PSD3: variants seen among roughly 807,000 people sequenced by gnomAD.
PSD3 encodes PH and SEC7 domain-containing protein 3.
Under a neutral mutation model 105.5 loss-of-function variants are expected in PSD3, and 49 were observed. The ratio of observed to expected loss-of-function variants is 0.46; its 90% CI spans 0.37 to 0.59. The LOEUF is 0.59. Among genes scored for constraint, PSD3 ranks in the 20% least tolerant of loss-of-function variants. The pLI is 0.00. For synonymous variants in PSD3, 557 were observed against 457.8 expected, an observed-to-expected ratio of 1.22 and a Z score of -2.77; for missense variants, 1,561 against 1,263.8, an observed-to-expected ratio of 1.24 and a Z score of -3.57.
intron 9 of PSD3, chr8:18,683,639 G>A (rs1389433724): frequency 8.2e-6 from 5 of 608,818 alleles, no homozygotes; most frequent in Non-Finnish European, 1.5e-5. Context: ...GATCGCACCT[G>A]ATTCTCTTAG....
intron 9 of PSD3, among the ~76,000 whole-genome samples, chr8:18,691,621 A>G (rs1479158838): frequency 6.6e-6 from 1 of 152,258 alleles, no homozygotes; most frequent in East Asian, 1.9e-4. Context: ...CATCCAGATG[A>G]GTAAACCAAT....
At position 18,955,866 on chromosome 8, in the gene PSD3, T is replaced by C. The variant is rs553227328; in HGVS notation, c.22-19724A>G. ...TCACTTCAACCTCCGCCTCCCGGGT[T>C]CAAGTGATTCTCCAGCCTCAGCATC... is the stretch of plus-strand genomic sequence containing the variant. On this transcript the variant is annotated intron_variant, in intron 1 of 15. Coordinates refer to ENST00000327040, the MANE Select transcript of PSD3 (RefSeq NM_015310.4). Among the ~76,000 whole-genome samples, 7 of 152,200 alleles carry C rather than the reference T, an allele frequency of 4.6e-5. No homozygotes were observed. In the South Asian group the frequency reaches 1.5e-3, roughly 32 times the overall value.
intron 11 of PSD3, among the ~76,000 whole-genome samples, chr8:18,631,078 G>A (rs1806862990): frequency 6.6e-6 from 1 of 152,060 alleles, no homozygotes; most frequent in Non-Finnish European, 1.5e-5. Flanking sequence ...ATCCATACCT[G>A]ACTGAGGGGA....
At chr8:18,640,107 T>C (rs1301045894) in intron 10 of PSD3, among the ~76,000 whole-genome samples, 2 of 152,192 alleles carry the variant, frequency 1.3e-5, no homozygotes, top group African/African-American at 4.8e-5. Context: ...ACTGTGGTCG[T>C]GAATCCATTC....
At chr8:18,836,591 G>A (rs1372034468) in intron 4 of PSD3, among the ~76,000 whole-genome samples, 1 of 152,190 alleles carries the variant, frequency 6.6e-6, no homozygotes, top group Non-Finnish European at 1.5e-5. Context: ...CCATATCCAT[G>A]AGGGATTAGT....
intron 4 of PSD3, among the ~76,000 whole-genome samples, chr8:18,831,782 T>C (rs996779229): frequency 6.6e-6 from 1 of 152,060 alleles, no homozygotes; most frequent in African/African-American, 2.4e-5. Flanking sequence ...GGTTCCCTCA[T>C]GAAGACATGT....
At chr8:18,767,357 TACG>T (rs1176157117) in intron 8 of PSD3, among the ~76,000 whole-genome samples, 1 of 152,206 alleles carries the variant, frequency 6.6e-6, no homozygotes, top group Non-Finnish European at 1.5e-5. Flanking sequence ...ATACATCTGT[TACG>T]AGTGCAGGAG....
At chr8:18,884,293 T>C (rs1185923185) in intron 2 of PSD3, among the ~76,000 whole-genome samples, 1 of 152,184 alleles carries the variant, frequency 6.6e-6, no homozygotes, top group East Asian at 1.9e-4. Flanking sequence ...TAATAATCAA[T>C]AAACTTCACC....
chr8:18,923,617 G>A (rs887461239), intron 2 of PSD3, among the ~76,000 whole-genome samples: 17 of 152,090 alleles, frequency 1.1e-4, no homozygotes, highest in African/African-American at 4.1e-4. Context: ...GTGTAGGTTC[G>A]TGGCCTAGAA....
intron 11 of PSD3, among the ~76,000 whole-genome samples, chr8:18,623,811 T>C (rs887675986): frequency 3.3e-5 from 5 of 152,186 alleles, no homozygotes; most frequent in African/African-American, 1.2e-4. Flanking sequence ...TTTCCAGAAG[T>C]AACAACCATT....
chr8:18,773,253 C>T (rs1331376305), intron 8 of PSD3, among the ~76,000 whole-genome samples: 1 of 152,106 alleles, frequency 6.6e-6, no homozygotes, highest in Non-Finnish European at 1.5e-5. Context: ...ATTCACACTA[C>T]CATTTTTTAA....
intron 1 of PSD3, among the ~76,000 whole-genome samples, chr8:19,012,082 TG>T (rs2129475405): frequency 6.6e-6 from 1 of 152,316 alleles, no homozygotes; most frequent in East Asian, 1.9e-4. Context: ...CCCAAGACGG[TG>T]GCAAAAACTC....
chr8:18,842,104 CA>C (rs1814675347), intron 4 of PSD3, among the ~76,000 whole-genome samples: 1 of 152,038 alleles, frequency 6.6e-6, no homozygotes, highest in Non-Finnish European at 1.5e-5. Flanking sequence ...CTTGGAATAC[CA>C]AGAAGCAAAA....
At chr8:18,735,048 C>T (rs1320717025) in intron 9 of PSD3, among the ~76,000 whole-genome samples, 5 of 152,214 alleles carry the variant, frequency 3.3e-5, no homozygotes, top group Non-Finnish European at 7.3e-5. Context: ...GAGGACCACT[C>T]ATGCCTTAGC....
rs1382082224 is a variant in PSD3, at chr8:18,534,890, G to C, written c.*853C>G. The C allele has an allele frequency of 1.3e-5, 2 of 152,572 alleles. No homozygotes were observed. The highest frequency in any genetic ancestry group is 2.9e-5 in the Non-Finnish European group (2 of 68,058). The allele number at this position is 152,572 out of a possible 1,614,324, so 9.5% of individuals were successfully genotyped here. A position where few individuals can be genotyped will look rare whatever the true frequency, so the allele number is the denominator to read the frequency against. ...AAGGATATCAACGATAGAGATGATG[G>C]ATTTCTAGTCTAGACCCTGTGGGAG... On this transcript the variant is annotated 3_prime_UTR_variant, in exon 16 of 16. Coordinates refer to ENST00000327040, the MANE Select transcript of PSD3 (RefSeq NM_015310.4).
At chr8:18,624,425 C>T (rs1806334189) in intron 11 of PSD3, among the ~76,000 whole-genome samples, 1 of 149,122 alleles carries the variant, frequency 6.7e-6, no homozygotes, top group African/African-American at 2.5e-5. Flanking sequence ...AAGTTTTTGC[C>T]CATTTTTCTA....
chr8:18,610,968 A>T (rs1256522650), intron 11 of PSD3, among the ~76,000 whole-genome samples: 1 of 152,212 alleles, frequency 6.6e-6, no homozygotes, highest in African/African-American at 2.4e-5. Context: ...GATGTGCCAT[A>T]ATTACTTTAT....
chr8:18,843,868 A>G (rs557547850), intron 4 of PSD3, among the ~76,000 whole-genome samples: 3 of 152,108 alleles, frequency 2.0e-5, no homozygotes, highest in Admixed American at 6.5e-5. Context: ...GATCCTGACA[A>G]TATCTCCAGG....
intron 15 of PSD3, among the ~76,000 whole-genome samples, chr8:18,546,145 G>A (rs1034780485): frequency 2.0e-5 from 3 of 152,022 alleles, no homozygotes; most frequent in Admixed American, 6.6e-5. Context: ...ACAGGTGCCC[G>A]CCACCATGCC....
Sources: allele counts gnomAD v4.1 joint callset (sites outside exome capture counted in the v4.1 genomes callset), GRCh38; gene constraint gnomAD v4.1.1; transcripts MANE v1.5; gene names NCBI Gene and HGNC (gene_info 2026-07-23, HGNC 2026-07-21).